The following GRID2 variants were observed in gnomAD, a reference collection of about 807,000 sequenced individuals.
GRID2 encodes glutamate receptor ionotropic, delta-2.
GRID2 carries 33 observed loss-of-function variants against 114.8 expected under a neutral mutation model. The ratio of observed to expected loss-of-function variants is 0.29; its 90% CI spans 0.22 to 0.38. The LOEUF is 0.38. Among genes scored for constraint, GRID2 ranks in the 10% least tolerant of loss-of-function variants. The pLI, the probability that GRID2 is intolerant of heterozygous loss-of-function variation, is 1.00. For synonymous variants in GRID2, 505 were observed against 449.9 expected (o/e 1.12, Z -1.55); for missense variants, 1,184 against 1,257.7 (o/e 0.94, Z 0.89).
chr4:92,316,762 G>A (rs1035781539), intron 1 of GRID2, among the ~76,000 whole-genome samples: 20 of 152,032 alleles, frequency 1.3e-4, no homozygotes, highest in African/African-American at 4.8e-4. Context: ...TAGCCTAAAG[G>A]TGCCATAAAA....
At chr4:93,517,493 T>C (rs1729852131) in intron 13 of GRID2, among the ~76,000 whole-genome samples, 1 of 152,048 alleles carries the variant, frequency 6.6e-6, no homozygotes, top group Non-Finnish European at 1.5e-5. Flanking sequence ...AGAAAATATC[T>C]AAGTGAAATT....
In GRID2 at chr4:93,215,958, G is replaced by A. The variant is rs1744162280; in HGVS notation, c.790-780G>A. Among the ~76,000 whole-genome samples, 3 of 151,912 alleles carry A rather than the reference G, an allele frequency of 2.0e-5. No individual in the cohort carries two copies. In the South Asian group the frequency reaches 6.2e-4, roughly 32 times the overall value. ...AAAGGTTCCAAATGAACACTATTAA[G>A]CACCAACTTCTCTAGTAAAGACTAC... On this transcript the variant is annotated intron_variant, in intron 5 of 15. Coordinates refer to ENST00000282020, the MANE Select transcript of GRID2 (RefSeq NM_001510.4).
intron 8 of GRID2, among the ~76,000 whole-genome samples, chr4:93,380,225 G>C (rs1033222268): frequency 7.2e-5 from 11 of 152,120 alleles, no homozygotes; most frequent in South Asian, 6.2e-4. Flanking sequence ...AACAGAAAAG[G>C]AAGAGGAGAC....
intron 2 of GRID2, among the ~76,000 whole-genome samples, chr4:92,726,163 A>G (rs1670173542): frequency 6.6e-6 from 1 of 152,170 alleles, no homozygotes; most frequent in South Asian, 2.1e-4. Context: ...AATATGGATA[A>G]GAGTTGAAAT....
At chr4:93,234,127 G>A (rs540610077) in intron 7 of GRID2, among the ~76,000 whole-genome samples, 2 of 152,112 alleles carry the variant, frequency 1.3e-5, no homozygotes, top group African/African-American at 4.8e-5. Context: ...ATATAAGGTA[G>A]CCTTTTTACA....
intron 2 of GRID2, among the ~76,000 whole-genome samples, chr4:92,932,127 TAAG>T (rs1381423212): frequency 6.6e-6 from 1 of 151,102 alleles, no homozygotes; most frequent in Non-Finnish European, 1.5e-5. Flanking sequence ...TATGAATAGA[TAAG>T]AAAAAGAGTC....
chr4:93,774,312 T>C lies in GRID2; in HGVS notation c.*1814T>C, dbSNP rs532001979. 2 of 152,192 alleles carry C rather than the reference T, an allele frequency of 1.3e-5. No homozygotes were observed. Among genetic ancestry groups the C allele is most frequent in the African/African-American group, 4.8e-5 (2 of 41,544 alleles). The allele number at this position is 152,192 out of a possible 1,614,324, so 9.4% of individuals were successfully genotyped here. The stretch of plus-strand genomic sequence containing the variant: ...TTCCCTTGTAACATTCATGATCTCA[T>C]TTACAACTCTGATTTTAAAACAAAA... On this transcript the variant is annotated 3_prime_UTR_variant, in exon 16 of 16. Transcript: ENST00000282020.
At chr4:92,749,285 C>T (rs375314649) in intron 2 of GRID2, among the ~76,000 whole-genome samples, 3 of 141,788 alleles carry the variant, frequency 2.1e-5, no homozygotes, top group Non-Finnish European at 4.5e-5. Context: ...AGGCATGAGA[C>T]GCCGCGCCCG....
chr4:92,509,256 A>G (rs965734086), intron 1 of GRID2, among the ~76,000 whole-genome samples: 1 of 151,940 alleles, frequency 6.6e-6, no homozygotes, highest in East Asian at 1.9e-4. Flanking sequence ...ACTTGTTTGT[A>G]TCTCCAATAG....
chr4:92,346,414 G>C (rs767755006), intron 1 of GRID2, among the ~76,000 whole-genome samples: 2 of 152,062 alleles, frequency 1.3e-5, no homozygotes, highest in African/African-American at 2.4e-5. Context: ...GCCCAGGCTA[G>C]AGTGCAGTGG....
At chr4:93,129,346 GT>G (rs202131242) in intron 4 of GRID2, among the ~76,000 whole-genome samples, 32 of 151,768 alleles carry the variant, frequency 2.1e-4, no homozygotes, top group African/African-American at 7.0e-4. Context: ...TTGAAATACT[GT>G]TTTTTTTGTT....
chr4:93,480,834 G>A (rs1725785904), intron 11 of GRID2, among the ~76,000 whole-genome samples: 2 of 151,968 alleles, frequency 1.3e-5, no homozygotes, highest in African/African-American at 4.8e-5. Context: ...GTAGGGATTG[G>A]CCTTCTCATG....
chr4:93,719,479 GC>G (rs1729176718), intron 14 of GRID2, among the ~76,000 whole-genome samples: 1 of 150,404 alleles, frequency 6.6e-6, no homozygotes, highest in Non-Finnish European at 1.5e-5. Context: ...TTTTTTTCTT[GC>G]CCACATCATA....
At chr4:92,351,056 T>C (rs1217020132) in intron 1 of GRID2, among the ~76,000 whole-genome samples, 1 of 151,892 alleles carries the variant, frequency 6.6e-6, no homozygotes, top group African/African-American at 2.4e-5. Context: ...ATATACCACA[T>C]ATTGTTATCC....
chr4:93,546,655 C>T (rs1733244599), intron 13 of GRID2, among the ~76,000 whole-genome samples: 1 of 152,062 alleles, frequency 6.6e-6, no homozygotes, highest in Non-Finnish European at 1.5e-5. Flanking sequence ...GACTCTTTTT[C>T]AGTCAATTTA....
At chr4:93,334,693 C>T (rs746470564) in intron 8 of GRID2, among the ~76,000 whole-genome samples, 2 of 152,128 alleles carry the variant, frequency 1.3e-5, no homozygotes, top group Non-Finnish European at 2.9e-5. Context: ...TCTTGGGAGG[C>T]TGAGGCAGGC....
intron 9 of GRID2, among the ~76,000 whole-genome samples, chr4:93,406,824 C>T (rs1186359975): frequency 5.3e-5 from 8 of 152,090 alleles, no homozygotes; most frequent in Non-Finnish European, 8.8e-5. Context: ...GGAAGCTGCA[C>T]GCTCATCTTC....
chr4:92,866,696 A>G lies in GRID2; in HGVS notation c.245-218299A>G, dbSNP rs1578343491. On this transcript the variant is annotated intron_variant, in intron 2 of 15. Transcript: ENST00000282020. ...GTAGCTGGGACTACAGGCACCCGCC[A>G]CCATGCCCGGCTAATTTTTTTTTTT... 3.3e-5 allele frequency among the ~76,000 whole-genome samples: 5 copies of G among 150,524 alleles called. No individual in the cohort carries two copies. In the South Asian group the frequency reaches 8.4e-4, roughly 25 times the overall value.
At chr4:92,834,443 T>C (rs1391559845) in intron 2 of GRID2, among the ~76,000 whole-genome samples, 1 of 152,162 alleles carries the variant, frequency 6.6e-6, no homozygotes, top group Non-Finnish European at 1.5e-5. Flanking sequence ...CTATAGGTGA[T>C]CTCCACATTC....
Sources: allele counts gnomAD v4.1 joint callset (sites outside exome capture counted in the v4.1 genomes callset), GRCh38; gene constraint gnomAD v4.1.1; transcripts MANE v1.5; gene names NCBI Gene and HGNC (gene_info 2026-07-23, HGNC 2026-07-21).